NFASC: variants seen among roughly 807,000 people sequenced by gnomAD.
The protein encoded by NFASC is neurofascin, also known as neurofascin homolog.
NFASC carries 43 observed loss-of-function variants against 147.5 expected under a neutral mutation model. That is an observed-to-expected ratio of 0.29 (90% CI 0.23 to 0.38). The LOEUF is 0.38. NFASC is among the 10% of genes least tolerant of loss of function. The pLI, the probability that NFASC is intolerant of heterozygous loss-of-function variation, is 1.00. For missense variants in NFASC, 1,320 were observed against 1,689.0 expected, an observed-to-expected ratio of 0.78 and a Z score of 3.83; for synonymous variants, 622 against 665.5, an observed-to-expected ratio of 0.93 and a Z score of 1.01.
intron 24 of NFASC, among the ~76,000 whole-genome samples, chr1:204,995,023 G>A (rs1223279394): frequency 6.6e-6 from 1 of 152,140 alleles, no homozygotes; most frequent in Non-Finnish European, 1.5e-5. Context: ...AGGAGGCTGA[G>A]GTGGGAGGAT....
chr1:204,897,638 ATCATGGC>A (rs2083638046), intron 1 of NFASC, among the ~76,000 whole-genome samples: 1 of 150,552 alleles, frequency 6.6e-6, no homozygotes, highest in African/African-American at 2.5e-5. Context: ...CAGTGGCACA[ATCATGGC>A]TCACTGCAGC....
chr1:204,873,864 CTG>C (rs2078208874), intron 1 of NFASC, among the ~76,000 whole-genome samples: 3 of 152,258 alleles, frequency 2.0e-5, no homozygotes, highest in Admixed American at 2.0e-4. Flanking sequence ...GGGGTACGGG[CTG>C]TGTCTTCTCC....
chr1:204,953,531 C>T (rs984441476), intron 5 of NFASC, among the ~76,000 whole-genome samples: 5 of 152,142 alleles, frequency 3.3e-5, no homozygotes, highest in East Asian at 3.9e-4. Context: ...CTCCTGACCT[C>T]GTGATCCACC....
At chr1:204,851,898 A>G (rs2075727811) in intron 1 of NFASC, among the ~76,000 whole-genome samples, 1 of 152,208 alleles carries the variant, frequency 6.6e-6, no homozygotes. Flanking sequence ...TAGAAAGAAC[A>G]ATCTCCAGGA....
chr1:204,974,311 C>G, intron 13 of NFASC, 21 bp downstream of exon 13: 1 of 1,569,950 alleles, frequency 6.4e-7, no homozygotes, highest in Non-Finnish European at 8.8e-7. Flanking sequence ...GGAGATCAGG[C>G]CTTCCACAGC....
intron 1 of NFASC, chr1:204,871,127 T>TTG: frequency 7.8e-7 from 1 of 1,284,780 alleles, no homozygotes; most frequent in African/African-American, 1.5e-5. Flanking sequence ...CCATTCCTCC[T>TTG]GCTTTGGCCT....
intron 1 of NFASC, among the ~76,000 whole-genome samples, chr1:204,860,028 C>T (rs1009675561): frequency 5.9e-5 from 9 of 152,116 alleles, no homozygotes; most frequent in African/African-American, 2.2e-4. Context: ...AGGGGTTACC[C>T]GGCAGAAGAG....
chr1:204,974,626 G>A, intron 13 of NFASC, 31 bp from the exon 14 acceptor site: 1 of 1,613,918 alleles, frequency 6.2e-7, no homozygotes, highest in Non-Finnish European at 8.5e-7. Flanking sequence ...CCTGTCTCAG[G>A]ATGCTGTGTG....
chr1:204,873,974 C>T (rs748186593), intron 1 of NFASC, among the ~76,000 whole-genome samples: 2 of 152,220 alleles, frequency 1.3e-5, no homozygotes, highest in Non-Finnish European at 2.9e-5. Flanking sequence ...TGCGGGGGAA[C>T]AGTCCCAGTT....
chr1:204,951,883 C>G (rs1004023229), intron 4 of NFASC, 128 bp from the exon 5 acceptor site: 1 of 663,846 alleles, frequency 1.5e-6, no homozygotes, highest in East Asian at 2.7e-5. Flanking sequence ...TGTTCACCGC[C>G]CCCCACACCC....
At chr1:204,949,005 G>A (rs1175734721) in intron 3 of NFASC, among the ~76,000 whole-genome samples, 2 of 152,152 alleles carry the variant, frequency 1.3e-5, no homozygotes, top group African/African-American at 4.8e-5. Flanking sequence ...CTGTGGAGAC[G>A]AGCTCCGGGG....
intron 1 of NFASC, among the ~76,000 whole-genome samples, chr1:204,868,152 G>A (rs897446144): frequency 2.0e-5 from 3 of 152,252 alleles, no homozygotes; most frequent in Admixed American, 2.0e-4. Context: ...AGTAGTTACA[G>A]TCAGTGAGCA....
chr1:204,972,186 G>C (rs2095280070), intron 11 of NFASC, among the ~76,000 whole-genome samples: 2 of 152,172 alleles, frequency 1.3e-5, no homozygotes, highest in African/African-American at 4.8e-5. Context: ...GGCGCCTGCA[G>C]GGCGACTCCT....
At position 204,987,202 on chromosome 1, in the gene NFASC, A is replaced by T; in HGVS notation, c.2471-216A>T. 1 of 575,690 alleles carries T rather than the reference A, an allele frequency of 1.7e-6. No individual in the cohort carries two copies. Among genetic ancestry groups the T allele is most frequent in the Non-Finnish European group, 3.1e-6 (1 of 323,830 alleles). The allele number at this position is 575,690 out of a possible 1,614,324, so 35.7% of individuals were successfully genotyped here. ...TTCCTCTCTTAAATAGCAGAGTCTG[A>T]GCTATGTTTGTCCTCAGACCTGAAG... On this transcript the variant is annotated intron_variant, in intron 21 of 29. Coordinates refer to ENST00000339876, the MANE Select transcript of NFASC (RefSeq NM_001005388.3). The surrounding 1 kb of genome is among the most constrained non-coding windows in gnomAD (Gnocchi z 4.4).
chr1:204,856,382 G>GGTGTGTGTGTGT (rs57653534), intron 1 of NFASC, among the ~76,000 whole-genome samples: 4,514 of 139,704 alleles, frequency 0.032, 100 homozygotes, highest in African/African-American at 0.039. Context: ...ATGCAGAACA[G>GGTGTGTGTGTGT]GTGTGTGTGT....
rs573187043 is a variant in NFASC, at chr1:204,997,356, C to T, written c.2969C>T (p.Thr990Ile). 5.8e-6 allele frequency: 9 copies of T among 1,556,622 alleles called. No individual in the cohort carries two copies. The African/African-American group carries it at 1.2e-4, about 21-fold the overall frequency. Residue 990 changes from threonine to isoleucine, a missense_variant, in exon 25 of 30, where the codon ACC becomes ATC. Around this residue, in one of 3 missense-constraint regions of NFASC, gnomAD observed 172 missense variants for 165.8 expected, o/e 1.04. Transcript: ENST00000339876. ...ACAACCACTGCTGCCGCCACCACCA[C>T]CACGGAGAGTCCTCCCACCACCACC... ...TTTTTAAATT[T>I]TESPPTTTSG...
At chr1:204,908,271 C>T (rs2086447784) in intron 1 of NFASC, among the ~76,000 whole-genome samples, 1 of 152,132 alleles carries the variant, frequency 6.6e-6, no homozygotes, top group Admixed American at 6.6e-5. Context: ...CATGAGCTAC[C>T]ATGCCTGGCC....
intron 1 of NFASC, among the ~76,000 whole-genome samples, chr1:204,878,453 A>C (rs908396976): frequency 2.0e-5 from 3 of 152,230 alleles, no homozygotes; most frequent in African/African-American, 7.2e-5. Flanking sequence ...GTGCTAGAGA[A>C]ATTTCCTGGA....
rs777626437 is a variant in NFASC, at chr1:205,016,598, C to A, written c.*59C>A. ...AGTGGGAGGAGGGGAGAAGGGGAGA[C>A]AAAACCACTGCAGACCTACCACGAA... On this transcript the variant is annotated 3_prime_UTR_variant, in exon 30 of 30. Coordinates refer to ENST00000339876, the MANE Select transcript of NFASC (RefSeq NM_001005388.3). This position sits in a 1 kb window ranked among gnomAD's most constrained non-coding sequence, Gnocchi z 5.1. 5.6e-6 allele frequency: 7 copies of A among 1,241,696 alleles called. No homozygotes were observed. The highest frequency in any genetic ancestry group is 8.3e-6 in the Non-Finnish European group (7 of 845,020). The allele number at this position is 1,241,696 out of a possible 1,614,324, so 76.9% of individuals were successfully genotyped here.
Sources: allele counts gnomAD v4.1 joint callset (sites outside exome capture counted in the v4.1 genomes callset), GRCh38; gene constraint gnomAD v4.1.1; regional missense constraint gnomAD v4.1.1; non-coding constraint Gnocchi (gnomAD v3.1); transcripts MANE v1.5; gene names NCBI Gene and HGNC (gene_info 2026-07-23, HGNC 2026-07-21).